SPOCK1: variants seen among roughly 807,000 people sequenced by gnomAD.
SPOCK1 encodes SPARC (osteonectin), cwcv and kazal like domains proteoglycan 1.
In SPOCK1, 23 loss-of-function variants were observed where a neutral mutation model predicts 55.3. The ratio of observed to expected loss-of-function variants is 0.42; its 90% confidence interval spans 0.30 to 0.59. The LOEUF (loss-of-function observed/expected upper bound fraction) is 0.59, where lower values mean the gene tolerates loss of function less well. Among genes scored for constraint, SPOCK1 ranks in the 20% least tolerant of loss-of-function variants. The pLI, the probability that SPOCK1 is intolerant of heterozygous loss-of-function variation, is 0.22. For missense variants in SPOCK1, 499 were observed against 552.5 expected (o/e 0.90, Z 0.97); for synonymous variants, 226 against 221.0 (o/e 1.02, Z -0.20).
chr5:137,378,524 A>G (rs1035715995), intron 2 of SPOCK1, among the ~76,000 whole-genome samples: 3 of 152,262 alleles, frequency 2.0e-5, no homozygotes, highest in Non-Finnish European at 4.4e-5. Flanking sequence ...TCTGAGCTAG[A>G]TACGCTAATG....
At chr5:137,020,230 A>T (rs917916144) in intron 6 of SPOCK1, among the ~76,000 whole-genome samples, 2 of 151,906 alleles carry the variant, frequency 1.3e-5, no homozygotes, top group Non-Finnish European at 1.5e-5. Flanking sequence ...TTACCAGACA[A>T]CCAAGACAAA....
intron 4 of SPOCK1, among the ~76,000 whole-genome samples, chr5:137,138,837 G>C (rs1317362899): frequency 1.3e-5 from 2 of 151,902 alleles, no homozygotes; most frequent in Admixed American, 6.6e-5. Context: ...CCTTTTCGTT[G>C]AATGTCAATG....
At chr5:136,984,245 A>ATTCATAGACTGCCTACAT (rs1750794776) in intron 9 of SPOCK1, among the ~76,000 whole-genome samples, 1 of 152,196 alleles carries the variant, frequency 6.6e-6, no homozygotes, top group South Asian at 2.1e-4. Flanking sequence ...AATCACCGGA[A>ATTCATAGACTGCCTACAT]TTCATAGACT....
intron 4 of SPOCK1, among the ~76,000 whole-genome samples, chr5:137,134,547 A>C (rs1428585258): frequency 2.0e-5 from 3 of 152,226 alleles, no homozygotes; most frequent in Non-Finnish European, 2.9e-5. Flanking sequence ...CACTTGGAGA[A>C]GGGGCATAAG....
At chr5:137,131,840 C>T (rs1271272870) in intron 4 of SPOCK1, among the ~76,000 whole-genome samples, 1 of 148,618 alleles carries the variant, frequency 6.7e-6, no homozygotes, top group Non-Finnish European at 1.5e-5. Flanking sequence ...GGTGTAGGGG[C>T]GGGCGCCTGT....
chr5:137,223,586 C>A (rs182012111), intron 3 of SPOCK1, among the ~76,000 whole-genome samples: 240 of 152,230 alleles, frequency 1.6e-3, no homozygotes, highest in African/African-American at 5.5e-3. Flanking sequence ...ATGTTATCTC[C>A]ACATTTGTGA....
intron 3 of SPOCK1, among the ~76,000 whole-genome samples, chr5:137,245,434 T>C (rs1447894944): frequency 2.0e-5 from 3 of 152,238 alleles, no homozygotes. Flanking sequence ...CCTCAAATGA[T>C]TATTATGCCA....
chr5:137,285,570 A>G (rs950532979), intron 2 of SPOCK1, among the ~76,000 whole-genome samples: 8 of 152,242 alleles, frequency 5.3e-5, no homozygotes, highest in Non-Finnish European at 5.9e-5. Flanking sequence ...GTTATTTATT[A>G]GAAATCATCA....
intron 4 of SPOCK1, among the ~76,000 whole-genome samples, chr5:137,123,209 G>A (rs776150339): frequency 2.6e-5 from 4 of 152,162 alleles, no homozygotes; most frequent in Non-Finnish European, 4.4e-5. Context: ...GAGAGGAGAC[G>A]GAGCCCCAGA....
chr5:137,062,994 G>A (rs996640678), intron 6 of SPOCK1, among the ~76,000 whole-genome samples: 4 of 151,610 alleles, frequency 2.6e-5, no homozygotes, highest in African/African-American at 9.7e-5. Context: ...CAGCACTTTG[G>A]GAGGCCGAGG....
chr5:137,056,754 C>T (rs979156667), intron 6 of SPOCK1, among the ~76,000 whole-genome samples: 2 of 152,070 alleles, frequency 1.3e-5, no homozygotes, highest in African/African-American at 4.8e-5. Context: ...AGCCATTTAG[C>T]AGACTCAAGC....
At chr5:137,232,554 G>A (rs1453996712) in intron 3 of SPOCK1, among the ~76,000 whole-genome samples, 1 of 152,132 alleles carries the variant, frequency 6.6e-6, no homozygotes, top group African/African-American at 2.4e-5. Context: ...CTATCCCCCT[G>A]CCAGTACCAC....
At chr5:137,090,553 C>G (rs749520556) in intron 5 of SPOCK1, among the ~76,000 whole-genome samples, 1 of 152,208 alleles carries the variant, frequency 6.6e-6, no homozygotes, top group Non-Finnish European at 1.5e-5. Context: ...AAGGCTATGT[C>G]CAGCCATCTC....
intron 4 of SPOCK1, among the ~76,000 whole-genome samples, chr5:137,126,050 T>A (rs1228767274): frequency 1.3e-5 from 2 of 152,224 alleles, no homozygotes; most frequent in African/African-American, 2.4e-5. Flanking sequence ...TCCCCAGTGT[T>A]GCAGGTGGAG....
chr5:137,004,227 T>C (rs185525731), intron 6 of SPOCK1, among the ~76,000 whole-genome samples: 3 of 152,278 alleles, frequency 2.0e-5, no homozygotes, highest in African/African-American at 7.2e-5. Context: ...CTGGACCAGA[T>C]GCAGCAGGAC....
intron 2 of SPOCK1, among the ~76,000 whole-genome samples, chr5:137,340,404 G>A (rs1029098203): frequency 2.6e-5 from 4 of 152,090 alleles, no homozygotes; most frequent in African/African-American, 9.7e-5. Context: ...GAACATCCAG[G>A]GCTGGCTGGA....
At chr5:137,138,902 T>A (rs1333573083) in intron 4 of SPOCK1, among the ~76,000 whole-genome samples, 1 of 152,170 alleles carries the variant, frequency 6.6e-6, no homozygotes, top group African/African-American at 2.4e-5. Flanking sequence ...ATTGTAGTAG[T>A]GAAAACCATA....
At chr5:137,459,185 A>C (rs550665704) in intron 2 of SPOCK1, among the ~76,000 whole-genome samples, 1 of 152,210 alleles carries the variant, frequency 6.6e-6, no homozygotes, top group South Asian at 2.1e-4. Context: ...GTCTTCTGCG[A>C]GCTAAAAACA....
At chr5:137,176,427 G>A (rs1019857555) in intron 3 of SPOCK1, among the ~76,000 whole-genome samples, 1 of 151,982 alleles carries the variant, frequency 6.6e-6, no homozygotes, top group Non-Finnish European at 1.5e-5. Flanking sequence ...TGCTAAAATA[G>A]ACTTGAGATG....
Sources: allele counts gnomAD v4.1 joint callset (sites outside exome capture counted in the v4.1 genomes callset), GRCh38; gene constraint gnomAD v4.1.1; transcripts MANE v1.5; gene names NCBI Gene and HGNC (gene_info 2026-07-23, HGNC 2026-07-21).